The following HIVEP2 variants were observed in gnomAD, a reference collection of about 807,000 sequenced individuals.
HIVEP2 encodes the protein transcription factor HIVEP2.
Under a neutral mutation model 180.7 loss-of-function variants are expected in HIVEP2, and 14 were observed. That is an observed-to-expected ratio of 0.08 (90% confidence interval 0.05 to 0.12). The LOEUF is 0.12. Among genes scored for constraint, HIVEP2 ranks in the 10% least tolerant of loss-of-function variants. The pLI, the probability that HIVEP2 is intolerant of heterozygous loss-of-function variation, is 1.00. For synonymous variants in HIVEP2, 1,184 were observed against 1,136.4 expected (o/e 1.04, Z -0.84); for missense variants, 2,579 against 3,008.5 (o/e 0.86, Z 3.34).
chr6:142,826,510 A>G (rs1562253371), intron 2 of HIVEP2, among the ~76,000 whole-genome samples: 1 of 152,212 alleles, frequency 6.6e-6, no homozygotes, highest in Admixed American at 6.5e-5. Context: ...TACTAACCCT[A>G]TCTATCCCAG....
At chr6:142,783,452 G>C (rs1270387956) in intron 3 of HIVEP2, 69 bp downstream of exon 3, 1 of 151,260 alleles carries the variant, frequency 6.6e-6, no homozygotes, top group Non-Finnish European at 1.5e-5. Context: ...TGAGTCCATA[G>C]TAGGCCAAAA....
chr6:142,929,583 A>C (rs539253380), intron 1 of HIVEP2, among the ~76,000 whole-genome samples: 1 of 152,328 alleles, frequency 6.6e-6, no homozygotes, highest in South Asian at 2.1e-4. Flanking sequence ...TGTATTTTAC[A>C]CTTTCTCTTT....
chr6:142,833,935 G>C (rs1242715288), intron 2 of HIVEP2, among the ~76,000 whole-genome samples: 2 of 152,110 alleles, frequency 1.3e-5, no homozygotes, highest in African/African-American at 4.8e-5. Context: ...CAGAAGACTT[G>C]TATGCATCTG....
chr6:142,893,828 A>G (rs1406117550), intron 1 of HIVEP2, among the ~76,000 whole-genome samples: 2 of 152,170 alleles, frequency 1.3e-5, no homozygotes, highest in Non-Finnish European at 2.9e-5. Context: ...TTATTGGTTT[A>G]TAGGTAATTC....
At chr6:142,778,142 G>C (rs12205474) in intron 3 of HIVEP2, among the ~76,000 whole-genome samples, 23,374 of 152,210 alleles carry the variant, frequency 0.15, 1,993 homozygotes, top group Middle Eastern at 0.27. Flanking sequence ...ATTAATCTCA[G>C]TTTGCTAAAA....
At chr6:142,814,118 G>A (rs1776772471) in intron 2 of HIVEP2, among the ~76,000 whole-genome samples, 1 of 151,906 alleles carries the variant, frequency 6.6e-6, no homozygotes, top group Non-Finnish European at 1.5e-5. Flanking sequence ...TGGGAACACA[G>A]TAAGAAAAAC....
chr6:142,776,208 T>C lies in HIVEP2; in HGVS notation c.-432-17A>G, dbSNP rs1413903214. ...TGACGCTTCCTGGATACAAAATAAA[T>C]GCAGTTAGGGAAAATTGTTCCATTA... On this transcript the variant is annotated splice_polypyrimidine_tract_variant and intron_variant, in intron 3 of 9. Coordinates refer to ENST00000367603, the MANE Select transcript of HIVEP2 (RefSeq NM_006734.4). 6.6e-6 allele frequency: 1 copy of C among 152,570 alleles called. No homozygotes were observed. Among genetic ancestry groups the C allele is most frequent in the East Asian group, 1.9e-4 (1 of 5,188 alleles). 9.5% of individuals were successfully genotyped at this position (152,570 alleles called of 1,614,324 possible).
intron 2 of HIVEP2, among the ~76,000 whole-genome samples, chr6:142,790,732 A>G (rs1776118311): frequency 6.6e-6 from 1 of 152,226 alleles, no homozygotes; most frequent in Middle Eastern, 3.2e-3. Context: ...AAATCAAATC[A>G]TAAAATATGC....
chr6:142,843,134 T>C (rs1266399467), intron 1 of HIVEP2, among the ~76,000 whole-genome samples: 1 of 152,152 alleles, frequency 6.6e-6, no homozygotes, highest in Non-Finnish European at 1.5e-5. Context: ...CCAGGGGAGC[T>C]TGTTAAAAAT....
At chr6:142,884,808 T>C (rs1776656738) in intron 1 of HIVEP2, among the ~76,000 whole-genome samples, 1 of 152,124 alleles carries the variant, frequency 6.6e-6, no homozygotes, top group Non-Finnish European at 1.5e-5. Context: ...TATTCACACG[T>C]GTGTAAGAAA....
chr6:142,854,340 C>T (rs1372749045), intron 1 of HIVEP2, among the ~76,000 whole-genome samples: 1 of 152,166 alleles, frequency 6.6e-6, no homozygotes, highest in Non-Finnish European at 1.5e-5. Flanking sequence ...ACTTATCTGG[C>T]TCCAAATGCC....
intron 1 of HIVEP2, among the ~76,000 whole-genome samples, chr6:142,926,793 T>C (rs1777822618): frequency 6.7e-6 from 1 of 149,980 alleles, no homozygotes; most frequent in Non-Finnish European, 1.5e-5. Context: ...CTCCCGGCGC[T>C]GGGCCCGCGG....
At chr6:142,788,385 A>G (rs1203843357) in intron 2 of HIVEP2, 1 of 152,154 alleles carries the variant, frequency 6.6e-6, no homozygotes, top group Admixed American at 6.5e-5. Flanking sequence ...TATTTACACA[A>G]TACAGAAAAA....
chr6:142,939,050 A>G (rs919946038), intron 1 of HIVEP2, among the ~76,000 whole-genome samples: 2 of 152,196 alleles, frequency 1.3e-5, no homozygotes, highest in Non-Finnish European at 2.9e-5. Context: ...TTGATGGTCA[A>G]CTTTCACTAC....
In HIVEP2 at chr6:142,898,997, G is replaced by T. The variant is rs79297238; in HGVS notation, c.-641+46102C>A. Among the ~76,000 whole-genome samples, 1,382 of 152,222 alleles carry T rather than the reference G, an allele frequency of 9.1e-3. 85 individuals are homozygous for T. In the East Asian group the frequency reaches 0.17, roughly 19 times the overall value. On this transcript the variant is annotated intron_variant, in intron 1 of 9. Transcript: ENST00000367603. ...GGCTTCCTCTGTATCATTCTTGTGA[G>T]GCTGCCTGAGAGATATTTGTAAAAT...
chr6:142,942,083 G>A (rs549195509), intron 1 of HIVEP2, among the ~76,000 whole-genome samples: 1 of 152,080 alleles, frequency 6.6e-6, no homozygotes, highest in Non-Finnish European at 1.5e-5. Context: ...ATGGATTATA[G>A]TTTCACTCAT....
chr6:142,859,723 A>G (rs772214583), intron 1 of HIVEP2, among the ~76,000 whole-genome samples: 6 of 150,710 alleles, frequency 4.0e-5, no homozygotes, highest in African/African-American at 7.3e-5. Context: ...AATCCTAGCT[A>G]CTTGGGAGGC....
chr6:142,920,286 T>C (rs1472421973), intron 1 of HIVEP2, among the ~76,000 whole-genome samples: 1 of 152,184 alleles, frequency 6.6e-6, no homozygotes, highest in Non-Finnish European at 1.5e-5. Context: ...TCAATTATCT[T>C]TGTATCTCCG....
intron 1 of HIVEP2, among the ~76,000 whole-genome samples, chr6:142,867,456 A>G (rs563151106): frequency 8.6e-4 from 131 of 152,316 alleles, no homozygotes; most frequent in Non-Finnish European, 1.4e-3. Flanking sequence ...TCTACAAGCC[A>G]GTTGTTATCG....
Sources: allele counts gnomAD v4.1 joint callset (sites outside exome capture counted in the v4.1 genomes callset), GRCh38; gene constraint gnomAD v4.1.1; transcripts MANE v1.5; gene names NCBI Gene and HGNC (gene_info 2026-07-23, HGNC 2026-07-21).